The following STRN3 variants were observed in gnomAD, a reference collection of about 807,000 sequenced individuals.
The protein encoded by STRN3 is striatin 3.
STRN3 carries 29 observed loss-of-function variants against 95.6 expected under a neutral mutation model. The observed-to-expected ratio is 0.30, with a 90% CI of 0.23 to 0.41. STRN3 has a LOEUF of 0.41. STRN3 is among the 10% of genes least tolerant of loss of function. The pLI, the probability that STRN3 is intolerant of heterozygous loss-of-function variation, is 1.00. For missense variants in STRN3, 890 were observed against 972.1 expected (o/e 0.92, Z 1.12); for synonymous variants, 331 against 357.6 (o/e 0.93, Z 0.84).
At chr14:30,966,936 G>T (rs937035140) in intron 1 of STRN3, among the ~76,000 whole-genome samples, 49 of 152,150 alleles carry the variant, frequency 3.2e-4, no homozygotes, top group African/African-American at 1.1e-3. Context: ...AAGGGGAAAG[G>T]GGGGAAGCAG....
At chr14:30,923,435 A>G in intron 8 of STRN3, among the ~76,000 whole-genome samples, 1 of 152,322 alleles carries the variant, frequency 6.6e-6, no homozygotes, top group Non-Finnish European at 1.5e-5. Context: ...ATCAGGCCAG[A>G]AGGTGCATAG....
chr14:30,933,280 T>TAAAAAAAAAA (rs35736582), intron 7 of STRN3, among the ~76,000 whole-genome samples: 1 of 22,776 alleles, frequency 4.4e-5, no homozygotes, highest in Non-Finnish European at 8.2e-5. Context: ...CCCTGTTTCA[T>TAAAAAAAAAA]AAAAAAAAAA....
At chr14:30,983,983 C>T (rs56136496) in intron 1 of STRN3, among the ~76,000 whole-genome samples, 22,288 of 151,788 alleles carry the variant, frequency 0.15, 1,919 homozygotes, top group South Asian at 0.39. Context: ...GTCTGAGAGG[C>T]AGGTACTAGG....
chr14:30,932,973 C>T (rs562421065), intron 7 of STRN3, among the ~76,000 whole-genome samples: 1 of 151,924 alleles, frequency 6.6e-6, no homozygotes, highest in South Asian at 2.1e-4. Context: ...GAATGTTATC[C>T]AGCTATTAAA....
chr14:30,933,395 T>C (rs933940283), intron 7 of STRN3, among the ~76,000 whole-genome samples: 3 of 150,062 alleles, frequency 2.0e-5, no homozygotes, highest in Admixed American at 1.3e-4. Context: ...TAAATATATA[T>C]ACATATACTT....
At chr14:30,967,267 G>A (rs1467531381) in intron 1 of STRN3, among the ~76,000 whole-genome samples, 4 of 144,436 alleles carry the variant, frequency 2.8e-5, no homozygotes, top group Non-Finnish European at 6.1e-5. Context: ...CAGAGAGAGG[G>A]GGGAAGAGAG....
chr14:30,921,706 T>C (rs1174462567), intron 8 of STRN3, among the ~76,000 whole-genome samples: 1 of 152,046 alleles, frequency 6.6e-6, no homozygotes. Flanking sequence ...TTATCAGCAA[T>C]AAGAAAACTG....
intron 8 of STRN3, among the ~76,000 whole-genome samples, chr14:30,925,281 G>A (rs1019842611): frequency 7.2e-5 from 11 of 151,990 alleles, no homozygotes; most frequent in African/African-American, 2.7e-4. Flanking sequence ...TGAACGAGTT[G>A]GGAGACACAG....
intron 8 of STRN3, among the ~76,000 whole-genome samples, chr14:30,925,963 A>T (rs1047636833): frequency 1.3e-5 from 2 of 152,120 alleles, no homozygotes; most frequent in Non-Finnish European, 2.9e-5. Context: ...GTAAAATTAT[A>T]TCTTAGTATT....
At chr14:30,915,606 T>C (rs978388612) in intron 9 of STRN3, among the ~76,000 whole-genome samples, 10 of 152,318 alleles carry the variant, frequency 6.6e-5, no homozygotes, top group African/African-American at 2.4e-4. Flanking sequence ...TTTAAACTTA[T>C]GTTTAAGGAT....
At chr14:30,938,038 A>G (rs1259721266) in intron 5 of STRN3, among the ~76,000 whole-genome samples, 3 of 152,066 alleles carry the variant, frequency 2.0e-5, no homozygotes, top group Non-Finnish European at 4.4e-5. Context: ...CACTGTAAAT[A>G]CTACGTAAAT....
intron 1 of STRN3, among the ~76,000 whole-genome samples, chr14:31,011,061 TTGAAG>T (rs1373399681): frequency 6.6e-6 from 1 of 152,034 alleles, no homozygotes; most frequent in East Asian, 1.9e-4. Flanking sequence ...AACATTTTAA[TTGAAG>T]TGATTTCTCT....
In STRN3 at chr14:30,947,088, A is replaced by G. The variant is rs767092313; in HGVS notation, c.716+2T>C. On this transcript the variant is annotated splice_donor_variant, in intron 5 of 17. Transcript: ENST00000357479. LOFTEE classifies it high-confidence loss of function. ...ATAAACTATGTTAAGTATAAATCAT[A>G]CCTTTTTATTTCTTGTCCCTTTTGC... 6.3e-7 allele frequency: 1 copy of G among 1,584,134 alleles called. No individual in the cohort carries two copies. Among genetic ancestry groups the G allele is most frequent in the Non-Finnish European group, 8.6e-7 (1 of 1,167,522 alleles).
chr14:30,946,112 G>C (rs761674623), intron 5 of STRN3, among the ~76,000 whole-genome samples: 9 of 152,128 alleles, frequency 5.9e-5, no homozygotes, highest in Non-Finnish European at 8.8e-5. Flanking sequence ...TCATTCTAGT[G>C]AGAGTAGCAT....
chr14:30,917,304 A>C (rs1022496998), intron 9 of STRN3, among the ~76,000 whole-genome samples: 2 of 152,128 alleles, frequency 1.3e-5, no homozygotes, highest in Non-Finnish European at 2.9e-5. Flanking sequence ...CACACACATA[A>C]CACATAAACA....
At chr14:31,004,697 C>T (rs1036754689) in intron 1 of STRN3, among the ~76,000 whole-genome samples, 2 of 152,116 alleles carry the variant, frequency 1.3e-5, no homozygotes, top group East Asian at 1.9e-4. Context: ...TGTTTGAACC[C>T]GTGAGGCGGA....
At chr14:30,992,472 C>T (rs1283771655) in intron 1 of STRN3, among the ~76,000 whole-genome samples, 1 of 147,484 alleles carries the variant, frequency 6.8e-6, no homozygotes, top group African/African-American at 2.5e-5. Context: ...AGGCTGGTCT[C>T]AAACTTCTAG....
At chr14:30,993,899 G>A (rs752431608) in intron 1 of STRN3, among the ~76,000 whole-genome samples, 15 of 147,578 alleles carry the variant, frequency 1.0e-4, no homozygotes, top group Admixed American at 1.3e-4. Flanking sequence ...TTTTAAGATG[G>A]AATTTCACTC....
At chr14:30,984,266 T>TAAAAAAAAAAAA (rs755650146) in intron 1 of STRN3, among the ~76,000 whole-genome samples, 1 of 86,856 alleles carries the variant, frequency 1.2e-5, no homozygotes, top group African/African-American at 5.0e-5. Context: ...TGAGGAATTC[T>TAAAAAAAAAAAA]AAAAAAAAAA....
Sources: allele counts gnomAD v4.1 joint callset (sites outside exome capture counted in the v4.1 genomes callset), GRCh38; gene constraint gnomAD v4.1.1; transcripts MANE v1.5; gene names NCBI Gene and HGNC (gene_info 2026-07-23, HGNC 2026-07-21).